Variants in NRXN3 observed in about 807,000 individuals in gnomAD.
NRXN3 encodes the protein neurexin 3, also known as neurexin III.
NRXN3 carries 32 observed loss-of-function variants against 137.6 expected under a neutral mutation model. That is an observed-to-expected ratio of 0.23 (90% CI 0.18 to 0.31). The LOEUF (loss-of-function observed/expected upper bound fraction) is 0.31. Among genes scored for constraint, NRXN3 ranks in the 10% least tolerant of loss-of-function variants. The pLI is 1.00. For missense variants in NRXN3, 1,574 were observed against 2,062.5 expected, an observed-to-expected ratio of 0.76 and a Z score of 4.59; for synonymous variants, 798 against 784.5, an observed-to-expected ratio of 1.02 and a Z score of -0.29.
chr14:78,586,040 G>A (rs1566818803), intron 4 of NRXN3, among the ~76,000 whole-genome samples: 1 of 152,180 alleles, frequency 6.6e-6, no homozygotes, highest in Non-Finnish European at 1.5e-5. Context: ...ATTACTTGGA[G>A]CAGGAATTGT....
intron 5 of NRXN3, among the ~76,000 whole-genome samples, chr14:78,649,850 T>A (rs887575983): frequency 2.6e-5 from 4 of 152,064 alleles, no homozygotes; most frequent in Non-Finnish European, 5.9e-5. Context: ...TTTACTTTAC[T>A]CCCCTACCGT....
chr14:79,065,261 AT>A (rs1191334326), intron 15 of NRXN3, among the ~76,000 whole-genome samples: 1 of 151,998 alleles, frequency 6.6e-6, no homozygotes, highest in Non-Finnish European at 1.5e-5. Context: ...ATAACATTTG[AT>A]TTAGATTCTG....
At chr14:78,983,125 GA>G in intron 14 of NRXN3, among the ~76,000 whole-genome samples, 1 of 152,220 alleles carries the variant, frequency 6.6e-6, no homozygotes, top group African/African-American at 2.4e-5. Flanking sequence ...CTATCAAAAA[GA>G]CAAAAACAAC....
chr14:78,551,811 T>A (rs1335216185), intron 4 of NRXN3, among the ~76,000 whole-genome samples: 1 of 151,760 alleles, frequency 6.6e-6, no homozygotes, highest in Non-Finnish European at 1.5e-5. Flanking sequence ...GAGTTCTCCC[T>A]TTTTACTTTT....
chr14:79,418,832 G>C (rs1201458156), intron 15 of NRXN3, among the ~76,000 whole-genome samples: 1 of 152,204 alleles, frequency 6.6e-6, no homozygotes, highest in Admixed American at 6.5e-5. Context: ...GGAGCACTTG[G>C]CCAGGCAAGC....
intron 4 of NRXN3, among the ~76,000 whole-genome samples, chr14:78,326,051 C>A (rs2080042741): frequency 6.6e-6 from 1 of 152,170 alleles, no homozygotes; most frequent in Non-Finnish European, 1.5e-5. Context: ...GGTTAGCCTG[C>A]CCATAGGATA....
At chr14:79,799,103 A>G (rs1343086107) in intron 19 of NRXN3, among the ~76,000 whole-genome samples, 1 of 152,200 alleles carries the variant, frequency 6.6e-6, no homozygotes, top group Non-Finnish European at 1.5e-5. Context: ...GCAATAAAAA[A>G]TCTTCCAGGA....
intron 19 of NRXN3, among the ~76,000 whole-genome samples, chr14:79,796,742 C>G (rs981142804): frequency 2.0e-5 from 3 of 152,126 alleles, no homozygotes; most frequent in Non-Finnish European, 2.9e-5. Context: ...TTATCCTGCT[C>G]TAGTATATGC....
At chr14:78,528,304 T>C (rs1034149403) in intron 4 of NRXN3, among the ~76,000 whole-genome samples, 3 of 152,194 alleles carry the variant, frequency 2.0e-5, no homozygotes, top group African/African-American at 7.2e-5. Context: ...ATGTTGGCAA[T>C]GCAACAACTT....
chr14:78,805,268 T>G (rs1471516040), intron 9 of NRXN3, among the ~76,000 whole-genome samples: 2 of 152,152 alleles, frequency 1.3e-5, no homozygotes, highest in Non-Finnish European at 2.9e-5. Flanking sequence ...TTTTCTTTTG[T>G]TTGTGTATTG....
intron 16 of NRXN3, among the ~76,000 whole-genome samples, chr14:79,621,829 G>C (rs536336695): frequency 6.6e-6 from 1 of 152,202 alleles, no homozygotes; most frequent in Admixed American, 6.5e-5. Context: ...AATGCTTGCT[G>C]CTCAAGTAAT....
intron 4 of NRXN3, among the ~76,000 whole-genome samples, chr14:78,616,016 A>G (rs1266425983): frequency 6.6e-6 from 1 of 152,176 alleles, no homozygotes; most frequent in Non-Finnish European, 1.5e-5. Flanking sequence ...CTCCATCTCT[A>G]CTGTCACTAT....
At chr14:78,952,654 T>G (rs528927945) in intron 10 of NRXN3, among the ~76,000 whole-genome samples, 1 of 152,370 alleles carries the variant, frequency 6.6e-6, no homozygotes, top group African/African-American at 2.4e-5. Flanking sequence ...CCATATCATT[T>G]AGATGTATAA....
chr14:79,246,495 C>T lies in NRXN3; in HGVS notation c.3263-220726C>T, dbSNP rs144087313. 4.2e-4 allele frequency among the ~76,000 whole-genome samples: 64 copies of T among 152,250 alleles called. 1 individual carries two copies. The highest frequency in any genetic ancestry group is 1.2e-3 in the African/African-American group (50 of 41,554). On this transcript the variant is annotated intron_variant, in intron 15 of 20. Transcript: ENST00000335750. ...TCCTCTCCATCCAGTGGAATCCAGCCTTGTCTTTATCTAGCATAAACCTCA... is the reference window on the plus strand; with the variant it reads ...TCCTCTCCATCCAGTGGAATCCAGCTTTGTCTTTATCTAGCATAAACCTCA...
chr14:78,633,419 T>C (rs1368969056), intron 4 of NRXN3, among the ~76,000 whole-genome samples: 1 of 152,196 alleles, frequency 6.6e-6, no homozygotes, highest in Non-Finnish European at 1.5e-5. Flanking sequence ...TCACCGATTT[T>C]TAAGTCTGCA....
At chr14:79,777,475 C>T (rs1465236861) in intron 19 of NRXN3, among the ~76,000 whole-genome samples, 1 of 110,826 alleles carries the variant, frequency 9.0e-6, no homozygotes, top group African/African-American at 2.9e-5. Context: ...TGGAATTTTT[C>T]TAAAAAAAAA....
At chr14:78,339,336 A>T (rs142905391) in intron 4 of NRXN3, among the ~76,000 whole-genome samples, 1 of 152,250 alleles carries the variant, frequency 6.6e-6, no homozygotes, top group Admixed American at 6.5e-5. Context: ...GCTAGTAAGC[A>T]GATGGGTTAT....
intron 19 of NRXN3, among the ~76,000 whole-genome samples, chr14:79,722,219 T>C (rs2098847098): frequency 6.6e-6 from 1 of 152,106 alleles, no homozygotes; most frequent in African/African-American, 2.4e-5. Context: ...CTTCTGACTT[T>C]AGTAATGTCT....
intron 15 of NRXN3, among the ~76,000 whole-genome samples, chr14:79,211,547 G>T (rs2067662352): frequency 6.6e-6 from 1 of 152,130 alleles, no homozygotes; most frequent in African/African-American, 2.4e-5. Context: ...TGAGGAAACA[G>T]GAGACCCTAA....
Sources: gnomAD v4.1 joint callset for allele counts (sites outside exome capture counted in the v4.1 genomes callset) on GRCh38, gnomAD v4.1.1 for gene constraint, MANE v1.5 for transcripts, NCBI Gene and HGNC (gene_info 2026-07-23, HGNC 2026-07-21) for gene names.